DHRSX: variants seen among roughly 807,000 people sequenced by gnomAD.
The protein encoded by DHRSX is polyprenol dehydrogenase.
DHRSX carries 31 observed loss-of-function variants against 34.0 expected under a neutral mutation model. The observed-to-expected ratio is 0.91, with a 90% CI of 0.69 to 1.23. DHRSX has a LOEUF of 1.23. Ranked by LOEUF, DHRSX falls within the 50% of genes most tolerant of loss-of-function variation. The pLI is 0.00. For missense variants in DHRSX, 414 were observed against 428.1 expected, an observed-to-expected ratio of 0.97 and a Z score of 0.29; for synonymous variants, 201 against 183.8, an observed-to-expected ratio of 1.09 and a Z score of -0.76.
chrX:2,500,806 G>C lies in DHRSX; in HGVS notation c.109+11C>G. ...TCCCCGGAGCCCTGACCCCTGCCCCGCCCCGCTGACCTGGCTCCAGGAAGC... is the reference window on the plus strand; with the variant it reads ...TCCCCGGAGCCCTGACCCCTGCCCCCCCCCGCTGACCTGGCTCCAGGAAGC... On this transcript the variant is annotated intron_variant, in intron 1 of 6. Transcript: ENST00000334651. 1 of 957,744 alleles carries C rather than the reference G, an allele frequency of 1.0e-6. No individual in the cohort carries two copies. The highest frequency in any genetic ancestry group is 1.2e-6 in the Non-Finnish European group (1 of 818,026). 59.3% of individuals were successfully genotyped at this position (957,744 alleles called of 1,614,324 possible). A position where few individuals can be genotyped will look rare whatever the true frequency, so the allele number is the denominator to read the frequency against.
intron 3 of DHRSX, among the ~76,000 whole-genome samples, chrX:2,339,437 T>C (rs2042613272): frequency 6.6e-6 from 1 of 151,940 alleles, no homozygotes; most frequent in Non-Finnish European, 1.5e-5. Flanking sequence ...CCACATCCGA[T>C]CACGAGTAAG....
intron 3 of DHRSX, among the ~76,000 whole-genome samples, chrX:2,357,172 A>G (rs1422340164): frequency 2.0e-5 from 3 of 152,138 alleles, no homozygotes; most frequent in African/African-American, 7.2e-5. Flanking sequence ...TGAACCCAGG[A>G]GGCGGAGATT....
chrX:2,286,070 G>A (rs1298377901), intron 4 of DHRSX, among the ~76,000 whole-genome samples: 2 of 152,194 alleles, frequency 1.3e-5, no homozygotes, highest in Non-Finnish European at 2.9e-5. Flanking sequence ...AAGAGCTGGT[G>A]ATGAATCCAT....
intron 5 of DHRSX, among the ~76,000 whole-genome samples, chrX:2,253,111 C>T (rs1198626013): frequency 6.6e-6 from 1 of 152,238 alleles, no homozygotes; most frequent in Admixed American, 6.5e-5. Flanking sequence ...TCATTTGAGC[C>T]TGGGAGGCGC....
At chrX:2,266,619 C>T (rs2041477809) in intron 5 of DHRSX, 121 bp downstream of exon 5, 2 of 1,002,178 alleles carry the variant, frequency 2.0e-6, no homozygotes, top group Non-Finnish European at 3.1e-6. Context: ...GCAGGGAGCA[C>T]TGTTCCCAGA....
At chrX:2,301,486 A>G (rs2042008658) in intron 3 of DHRSX, among the ~76,000 whole-genome samples, 1 of 152,168 alleles carries the variant, frequency 6.6e-6, no homozygotes, top group Non-Finnish European at 1.5e-5. Context: ...CATTTCCACG[A>G]GGTGTCTCTG....
At chrX:2,393,965 C>T (rs1603044257) in intron 3 of DHRSX, among the ~76,000 whole-genome samples, 5 of 152,352 alleles carry the variant, frequency 3.3e-5, no homozygotes, top group South Asian at 4.1e-4. Context: ...AGGGACCATT[C>T]GGGGTTCAGG....
At chrX:2,354,594 TG>T (rs2042826602) in intron 3 of DHRSX, among the ~76,000 whole-genome samples, 1 of 152,212 alleles carries the variant, frequency 6.6e-6, no homozygotes, top group South Asian at 2.1e-4. Flanking sequence ...CCCGAATAGC[TG>T]GGACCACAGG....
At chrX:2,306,832 G>A (rs189272371) in intron 3 of DHRSX, among the ~76,000 whole-genome samples, 121 of 151,786 alleles carry the variant, frequency 8.0e-4, no homozygotes, top group African/African-American at 2.8e-3. Flanking sequence ...GAATCCCTCC[G>A]CCTCAATTTT....
At chrX:2,277,331 T>G (rs1164379672) in intron 4 of DHRSX, among the ~76,000 whole-genome samples, 3 of 3,332 alleles carry the variant, frequency 9.0e-4, no homozygotes, top group East Asian at 3.6e-3. Flanking sequence ...GAGGAGGAAA[T>G]GGGGGAAAGA....
At chrX:2,433,125 A>G (rs1258033680) in intron 1 of DHRSX, among the ~76,000 whole-genome samples, 2 of 152,176 alleles carry the variant, frequency 1.3e-5, no homozygotes, top group African/African-American at 2.4e-5. Context: ...CAAAAAAAAA[A>G]TCACATGGTA....
intron 2 of DHRSX, among the ~76,000 whole-genome samples, chrX:2,413,879 C>T (rs1356219505): frequency 6.6e-6 from 1 of 150,866 alleles, no homozygotes; most frequent in Non-Finnish European, 1.5e-5. Context: ...ATGACCTAAC[C>T]CAACTAAATC....
intron 1 of DHRSX, among the ~76,000 whole-genome samples, chrX:2,438,178 G>GA (rs57891933): frequency 0.014 from 1,834 of 127,016 alleles, 18 homozygotes; most frequent in Non-Finnish European, 0.024. Context: ...CTCCATCTCA[G>GA]AAAAAAAAAA....
At chrX:2,254,313 T>C (rs912572868) in intron 5 of DHRSX, among the ~76,000 whole-genome samples, 1 of 152,188 alleles carries the variant, frequency 6.6e-6, no homozygotes, top group Non-Finnish European at 1.5e-5. Context: ...TGCAGGACAT[T>C]GTTGCATAAT....
At chrX:2,255,928 AAAT>A (rs1365458044) in intron 5 of DHRSX, among the ~76,000 whole-genome samples, 1 of 151,994 alleles carries the variant, frequency 6.6e-6, no homozygotes, top group Non-Finnish European at 1.5e-5. Flanking sequence ...GTCTCAAATA[AAAT>A]AAAATAAAAC....
chrX:2,245,212 C>T (rs1184083053), intron 5 of DHRSX, among the ~76,000 whole-genome samples: 1 of 152,138 alleles, frequency 6.6e-6, no homozygotes, highest in African/African-American at 2.4e-5. Context: ...TGGGAAGGCT[C>T]ATCACAAACC....
intron 6 of DHRSX, among the ~76,000 whole-genome samples, chrX:2,230,579 A>G (rs1025732694): frequency 5.3e-5 from 8 of 152,158 alleles, no homozygotes; most frequent in African/African-American, 1.7e-4. Context: ...GTTTGTGGAT[A>G]TCATTAACAT....
rs151058047 is a variant in DHRSX, at chrX:2,431,666, A to G, written c.110-6362T>C. Among the ~76,000 whole-genome samples the G allele has an allele frequency of 8.6e-3, 1,308 of 152,306 alleles. 17 individuals carry two copies. The highest frequency in any genetic ancestry group is 0.03 in the African/African-American group (1,257 of 41,568). On this transcript the variant is annotated intron_variant, in intron 1 of 6. Coordinates refer to ENST00000334651, the MANE Select transcript of DHRSX (RefSeq NM_145177.3). ...GAATTAACACAGAACCAGGAAACTAAATATCAGACGTTCTCACTTCTTACT... is the reference window on the plus strand; with the variant it reads ...GAATTAACACAGAACCAGGAAACTAGATATCAGACGTTCTCACTTCTTACT...
At chrX:2,393,158 A>G (rs1460404907) in intron 3 of DHRSX, among the ~76,000 whole-genome samples, 1 of 148,604 alleles carries the variant, frequency 6.7e-6, no homozygotes, top group Non-Finnish European at 1.5e-5. Context: ...TAATAAATAT[A>G]TAGTAAGTAT....
Sources: allele counts gnomAD v4.1 joint callset (sites outside exome capture counted in the v4.1 genomes callset), GRCh38; gene constraint gnomAD v4.1.1; transcripts MANE v1.5; gene names NCBI Gene and HGNC (gene_info 2026-07-23, HGNC 2026-07-21).